The following FGF12 variants were observed in gnomAD, a reference collection of about 807,000 sequenced individuals.
FGF12 encodes the protein fibroblast growth factor 12, also known as fibroblast growth factor 12B.
In FGF12, 14 loss-of-function variants were observed where a neutral mutation model predicts 23.6. The observed-to-expected ratio is 0.59, with a 90% CI of 0.39 to 0.93. The LOEUF (loss-of-function observed/expected upper bound fraction) is 0.93. FGF12 is among the 40% of genes least tolerant of loss of function. The pLI is 0.00. For synonymous variants in FGF12, 62 were observed against 77.3 expected, an observed-to-expected ratio of 0.80 and a Z score of 1.04; for missense variants, 175 against 217.8, an observed-to-expected ratio of 0.80 and a Z score of 1.24.
At chr3:192,375,032 C>T (rs1189983651) in intron 2 of FGF12, among the ~76,000 whole-genome samples, 2 of 152,002 alleles carry the variant, frequency 1.3e-5, no homozygotes, top group African/African-American at 4.8e-5. Flanking sequence ...GCCTGTACTC[C>T]CTCTGTAAAT....
intron 2 of FGF12, among the ~76,000 whole-genome samples, chr3:192,519,458 G>A (rs1724760245): frequency 6.6e-6 from 1 of 151,998 alleles, no homozygotes; most frequent in African/African-American, 2.4e-5. Context: ...CAGGGGGGAG[G>A]GTACATGATG....
intron 2 of FGF12, among the ~76,000 whole-genome samples, chr3:192,657,598 T>C (rs1716485690): frequency 6.6e-6 from 1 of 152,182 alleles, no homozygotes; most frequent in South Asian, 2.1e-4. Context: ...GGTTTACAAC[T>C]GAGTTCCAAC....
intron 2 of FGF12, among the ~76,000 whole-genome samples, chr3:192,390,973 AG>A (rs893119587): frequency 1.3e-5 from 2 of 152,220 alleles, no homozygotes; most frequent in Non-Finnish European, 2.9e-5. Context: ...AACAACTACC[AG>A]GAGGTATCTA....
intron 2 of FGF12, among the ~76,000 whole-genome samples, chr3:192,658,433 T>C (rs1011859658): frequency 6.6e-6 from 1 of 152,192 alleles, no homozygotes; most frequent in African/African-American, 2.4e-5. Flanking sequence ...AGCAGTTTTA[T>C]TACTTCTGCC....
At chr3:192,250,285 G>A (rs2108605554) in intron 4 of FGF12, among the ~76,000 whole-genome samples, 1 of 152,218 alleles carries the variant, frequency 6.6e-6, no homozygotes, top group Admixed American at 6.5e-5. Flanking sequence ...TTTTGATTAG[G>A]GGATAGCATT....
In FGF12 at chr3:192,445,845, C is replaced by T. The variant is rs576068509; in HGVS notation, c.14-85307G>A. ...TTCCCTAAAGTGGCAGAACAGCTGCCACCAGTAGAACAGAGTTGTTCCTCT... is the reference window on the plus strand; with the variant it reads ...TTCCCTAAAGTGGCAGAACAGCTGCTACCAGTAGAACAGAGTTGTTCCTCT... On this transcript the variant is annotated intron_variant, in intron 2 of 5. Transcript: ENST00000445105. 3.3e-5 allele frequency among the ~76,000 whole-genome samples: 5 copies of T among 152,280 alleles called. No homozygotes were observed. The East Asian group carries it at 5.8e-4, about 18-fold the overall frequency.
chr3:192,620,107 A>G (rs1287444622), intron 2 of FGF12, among the ~76,000 whole-genome samples: 1 of 152,030 alleles, frequency 6.6e-6, no homozygotes, highest in Non-Finnish European at 1.5e-5. Context: ...ATTGGCATCC[A>G]CTTCCTGTCA....
At chr3:192,397,256 C>A (rs930465441) in intron 2 of FGF12, among the ~76,000 whole-genome samples, 3 of 152,328 alleles carry the variant, frequency 2.0e-5, no homozygotes, top group African/African-American at 7.2e-5. Flanking sequence ...CTGAGCAAAG[C>A]TGCAGAGGAT....
intron 4 of FGF12, among the ~76,000 whole-genome samples, chr3:192,260,058 A>G (rs960535189): frequency 3.3e-5 from 5 of 152,150 alleles, no homozygotes; most frequent in African/African-American, 1.2e-4. Flanking sequence ...TTCTTCCCCA[A>G]CCGGATCTTC....
intron 4 of FGF12, among the ~76,000 whole-genome samples, chr3:192,281,636 G>A (rs953385590): frequency 6.6e-6 from 1 of 152,000 alleles, no homozygotes; most frequent in Non-Finnish European, 1.5e-5. Flanking sequence ...GCCGAAGGTC[G>A]CACTGTGACC....
rs939615376 is a variant in FGF12 at position 192,487,229 on chromosome 3, A to G, written c.14-126691T>C. On this transcript the variant is annotated intron_variant, in intron 2 of 5. Coordinates refer to ENST00000445105, the MANE Select transcript of FGF12 (RefSeq NM_004113.6). ...CAGCTAGATGCATTTATTATTTTCT[A>G]CTTCCTCATAGCAACCATAGTAACT... Among the ~76,000 whole-genome samples, 8 of 152,046 alleles carry G rather than the reference A, an allele frequency of 5.3e-5. 1 individual carries two copies. Among genetic ancestry groups the G allele is most frequent in the Middle Eastern group, 3.2e-3 (1 of 316 alleles).
chr3:192,460,422 C>T (rs1166213828), intron 2 of FGF12, among the ~76,000 whole-genome samples: 1 of 152,054 alleles, frequency 6.6e-6, no homozygotes, highest in Non-Finnish European at 1.5e-5. Context: ...GGAATGGCAG[C>T]GAAGTTCAGG....
chr3:192,423,313 A>G (rs1450052529), intron 2 of FGF12, among the ~76,000 whole-genome samples: 2 of 152,122 alleles, frequency 1.3e-5, no homozygotes, highest in Non-Finnish European at 2.9e-5. Flanking sequence ...TAAAATACCA[A>G]CCTCTGATTT....
Position 192,681,219 on chromosome 3 carries a change from C to T in FGF12, c.13+45962G>A, listed in dbSNP as rs143394377. The stretch of plus-strand genomic sequence containing the variant: ...AAGAGGTGAGGAATGTGAACTGAGA[C>T]AGCAGAACCAAAGGGATATAACAAT... On this transcript the variant is annotated intron_variant, in intron 2 of 5. Coordinates refer to ENST00000445105, the MANE Select transcript of FGF12 (RefSeq NM_004113.6). Among the ~76,000 whole-genome samples, 6 of 152,266 alleles carry T rather than the reference C, an allele frequency of 3.9e-5. No individual in the cohort carries two copies. The East Asian group carries it at 1.2e-3, about 29-fold the overall frequency.
intron 4 of FGF12, among the ~76,000 whole-genome samples, chr3:192,194,538 T>C (rs1173902642): frequency 6.6e-6 from 1 of 152,202 alleles, no homozygotes; most frequent in African/African-American, 2.4e-5. Context: ...TATTTCCACA[T>C]GGACTTATTT....
chr3:192,486,517 A>T (rs769313564), intron 2 of FGF12, among the ~76,000 whole-genome samples: 4 of 152,080 alleles, frequency 2.6e-5, no homozygotes, highest in Non-Finnish European at 4.4e-5. Context: ...GGGAACAAAA[A>T]ATTAAAAGCC....
At chr3:192,570,816 A>G (rs1175395146) in intron 2 of FGF12, among the ~76,000 whole-genome samples, 1 of 152,246 alleles carries the variant, frequency 6.6e-6, no homozygotes, top group African/African-American at 2.4e-5. Context: ...AATAATATGT[A>G]TAAGAAAAAA....
chr3:192,553,526 C>T (rs914956673), intron 2 of FGF12, among the ~76,000 whole-genome samples: 2 of 152,020 alleles, frequency 1.3e-5, no homozygotes, highest in Non-Finnish European at 2.9e-5. Context: ...AATAAGAAGC[C>T]CAGAACCTCT....
intron 2 of FGF12, among the ~76,000 whole-genome samples, chr3:192,596,556 T>C (rs1713862954): frequency 6.8e-6 from 1 of 146,646 alleles, no homozygotes; most frequent in East Asian, 1.9e-4. Context: ...GCTTGACATG[T>C]CTTTCCCTAG....
Sources: gnomAD v4.1 joint callset for allele counts (sites outside exome capture counted in the v4.1 genomes callset) on GRCh38, gnomAD v4.1.1 for gene constraint, MANE v1.5 for transcripts, NCBI Gene and HGNC (gene_info 2026-07-23, HGNC 2026-07-21) for gene names.